The following DDX20 variants were observed in gnomAD, a reference collection of about 807,000 sequenced individuals.
DDX20 encodes the protein probable ATP-dependent RNA helicase DDX20.
In DDX20, 61 loss-of-function variants were observed where a neutral mutation model predicts 76.4. The observed-to-expected ratio is 0.80, with a 90% CI of 0.65 to 0.99. DDX20 has a LOEUF of 0.99. Among genes scored for constraint, DDX20 ranks in the 50% least tolerant of loss-of-function variants. DDX20 has a pLI of 0.00. For missense variants in DDX20, 976 were observed against 996.8 expected, an observed-to-expected ratio of 0.98 and a Z score of 0.28; for synonymous variants, 357 against 357.4, an observed-to-expected ratio of 1.00 and a Z score of 0.01.
Position 111,766,305 on chromosome 1 carries a change from A to G in DDX20, c.1881A>G (p.Gln627=), listed in dbSNP as rs1026799455. The G allele has an allele frequency of 6.2e-7, 1 of 1,614,190 alleles. No homozygotes were observed. Among genetic ancestry groups the G allele is most frequent in the Admixed American group, 1.7e-5 (1 of 60,020 alleles). Residue 627 remains glutamine, a synonymous_variant, in exon 11 of 11, where the codon CAA becomes CAG. Coordinates refer to ENST00000369702, the MANE Select transcript of DDX20 (RefSeq NM_007204.5). ...CTGGGGATCAGACTGTGAATCCTCA[A>G]AATGGTTTTGTGAGAAATAAAGTTA... The part of the protein sequence containing the change: ...TGPGDQTVNP[Q]NGFVRNKVIE...
In DDX20 at chr1:111,766,793, C is replaced by T; in HGVS notation, c.2369C>T (p.Ala790Val). 1 of 1,614,128 alleles carries T rather than the reference C, an allele frequency of 6.2e-7. No individual in the cohort carries two copies. Among genetic ancestry groups the T allele is most frequent in the Non-Finnish European group, 8.5e-7 (1 of 1,179,960 alleles). The stretch of plus-strand genomic sequence containing the variant: ...AGGGCATGGCAAGAATATTATGCTG[C>T]CGCTTCTCATTCATATTATTGGAAT... ...YYRAWQEYYA[A>V]ASHSYYWNAQ... The change falls in exon 11 of 11, where the codon GCC becomes GTC. Residue 790 changes from alanine (A) to valine (V), a missense_variant. Around this residue, in one of 3 missense-constraint regions of DDX20, gnomAD observed 630 missense variants for 693.7 expected, o/e 0.91. Coordinates refer to ENST00000369702, the MANE Select transcript of DDX20 (RefSeq NM_007204.5).
At chr1:111,761,982 T>C (rs968235390) in intron 7 of DDX20, 1 of 290,366 alleles carries the variant, frequency 3.4e-6, no homozygotes, top group Non-Finnish European at 6.4e-6. Context: ...TTATACTTCA[T>C]ATGTAACTTT....
chr1:111,760,316 G>T (rs974523795), intron 3 of DDX20, 158 bp from the exon 4 acceptor site: 3 of 534,730 alleles, frequency 5.6e-6, no homozygotes, highest in African/African-American at 2.0e-5. Flanking sequence ...CAGAGCTCCA[G>T]ATTTCTAATT....
At chr1:111,761,454 A>G (rs1035684469) in intron 7 of DDX20, 170 bp downstream of exon 7, 24 of 562,256 alleles carry the variant, frequency 4.3e-5, no homozygotes, top group Non-Finnish European at 6.1e-5. Flanking sequence ...TGATATGTCA[A>G]TATTCTATTT....
At chr1:111,762,827 G>A in intron 9 of DDX20, 45 bp downstream of exon 9, 7 of 1,498,424 alleles carry the variant, frequency 4.7e-6, no homozygotes, top group Non-Finnish European at 6.4e-6. Flanking sequence ...TAAGGGGAGG[G>A]ATCTATAATG....
rs1367788108 is a variant in DDX20, at chr1:111,767,675, CT to C, written c.*778del. On this transcript the variant is annotated 3_prime_UTR_variant, in exon 11 of 11. Coordinates refer to ENST00000369702, the MANE Select transcript of DDX20 (RefSeq NM_007204.5). ...GAATCAGCTGATAGCTATAGATTGA[CT>C]TCAGGAAATTTCTCATTCCATAAGC... is the stretch of plus-strand genomic sequence containing the variant. The C allele has an allele frequency of 6.6e-6, 1 of 152,106 alleles. No individual in the cohort carries two copies. The highest frequency in any genetic ancestry group is 1.5e-5 in the Non-Finnish European group (1 of 68,012). The allele number at this position is 152,106 out of a possible 1,614,324, so 9.4% of individuals were successfully genotyped here. A position where few individuals can be genotyped will look rare whatever the true frequency, so the allele number is the denominator to read the frequency against.
At chr1:111,758,009 A>C (rs1226465459) in intron 2 of DDX20, among the ~76,000 whole-genome samples, 1 of 150,216 alleles carries the variant, frequency 6.7e-6, no homozygotes, top group Non-Finnish European at 1.5e-5. Flanking sequence ...TGTGCACACC[A>C]CACGCCCGGC....
At chr1:111,764,049 G>A (rs1371481490) in intron 10 of DDX20, among the ~76,000 whole-genome samples, 1 of 152,098 alleles carries the variant, frequency 6.6e-6, no homozygotes, top group Non-Finnish European at 1.5e-5. Context: ...GGAGGCTGAG[G>A]CGGGCGGATG....
At chr1:111,760,144 C>T (rs886196160) in intron 3 of DDX20, among the ~76,000 whole-genome samples, 4 of 152,174 alleles carry the variant, frequency 2.6e-5, no homozygotes, top group African/African-American at 9.7e-5. Flanking sequence ...GGAGGCCCTT[C>T]TAAGCCATGG....
chr1:111,755,970 A>G lies in DDX20; in HGVS notation c.46A>G (p.Thr16Ala), dbSNP rs746735635. ...CTCGGGAGCCTTAGCAGCAGTGGCG[A>G]CTGCTATGCCGGCTGAGCATGTGGC... ...EASGALAAVA[T>A]AMPAEHVAVQ... is the part of the protein sequence containing the mutation. The change falls in exon 1 of 11, where the codon ACT becomes GCT. Residue 16 changes from threonine (T) to alanine (A), a missense_variant. Thr to Ala is a moderately conservative substitution (Grantham distance 58, BLOSUM62 0). This residue lies in a region of DDX20 where 343 missense variants were observed against 286.4 expected (regional missense o/e 1.20). Coordinates refer to ENST00000369702, the MANE Select transcript of DDX20 (RefSeq NM_007204.5). 1.9e-6 allele frequency: 3 copies of G among 1,596,500 alleles called. No homozygotes were observed. Among genetic ancestry groups the G allele is most frequent in the Non-Finnish European group, 2.6e-6 (3 of 1,168,000 alleles).
intron 2 of DDX20, among the ~76,000 whole-genome samples, chr1:111,758,063 G>A (rs917414626): frequency 6.6e-5 from 10 of 151,958 alleles, no homozygotes; most frequent in African/African-American, 2.2e-4. Context: ...TCGCCATGTC[G>A]GCCAGGCTGG....
Position 111,766,942 on chromosome 1 carries a change from A to G in DDX20, c.*43A>G. 3 of 1,449,546 alleles carry G rather than the reference A, an allele frequency of 2.1e-6. No individual in the cohort carries two copies. Among genetic ancestry groups the G allele is most frequent in the Non-Finnish European group, 2.8e-6 (3 of 1,055,202 alleles). 89.8% of individuals were successfully genotyped at this position (1,449,546 alleles called of 1,614,324 possible). A position where few individuals can be genotyped will look rare whatever the true frequency, so the allele number is the denominator to read the frequency against. On this transcript the variant is annotated 3_prime_UTR_variant, in exon 11 of 11. Transcript: ENST00000369702. ...GACCATCAGGAACTGTCAACAAATG[A>G]TACCTTTGGATATCCATCCTCCTCG...
Position 111,760,758 on chromosome 1 carries a change from A to C in DDX20, c.733A>C (p.Thr245Pro), listed in dbSNP as rs964743199. The part of the protein sequence containing the change: ...ASKQMLAVSA[T>P]YPEFLANALT... ...TAAACAGATGCTGGCAGTATCAGCT[A>C]CTTATCCCGAATTTTTGGCTAATGC... is the stretch of plus-strand genomic sequence containing the variant. Residue 245 changes from threonine to proline, a missense_variant, in exon 5 of 11, where the codon ACT (threonine) becomes CCT (proline). By Grantham distance (38) the Thr-to-Pro change is conservative. Coordinates refer to ENST00000369702, the MANE Select transcript of DDX20 (RefSeq NM_007204.5). 2 of 1,613,808 alleles carry C rather than the reference A, an allele frequency of 1.2e-6. No homozygotes were observed. Among genetic ancestry groups the C allele is most frequent in the Non-Finnish European group, 1.7e-6 (2 of 1,179,904 alleles).
Position 111,759,548 on chromosome 1 carries a change from A to G in DDX20, c.545A>G (p.His182Arg), listed in dbSNP as rs147157974. The change falls in exon 3 of 11, where the codon CAT becomes CGT. Residue 182 changes from histidine to arginine, a missense_variant. This residue lies in a region of DDX20 where 343 missense variants were observed against 286.4 expected (regional missense o/e 1.20). Transcript: ENST00000369702. The part of the protein sequence containing the change: ...SQDKTRLKKC[H>R]IAVGSPGRIK... ...GACAAAACCAGACTTAAAAAGTGTC[A>G]TATTGCTGTTGGATCTCCTGGTAAG... 4 of 1,613,240 alleles carry G rather than the reference A, an allele frequency of 2.5e-6. No individual in the cohort carries two copies. The African/African-American group carries it at 4.0e-5, about 16-fold the overall frequency.
At position 111,759,488 on chromosome 1, in the gene DDX20, G is replaced by A. The variant is rs1171584520; in HGVS notation, c.485G>A (p.Cys162Tyr). ...AIGIKMEGLE[C>Y]HVFIGGTPLS... ...GGAATAAAAATGGAAGGCTTAGAGT[G>A]TCATGTCTTTATTGGAGGGACCCCA... The change falls in exon 3 of 11, where the codon TGT becomes TAT. Residue 162 changes from cysteine to tyrosine, a missense_variant. Physicochemically the swap from Cys to Tyr is radical, Grantham distance 194 (BLOSUM62 -2). Coordinates refer to ENST00000369702, the MANE Select transcript of DDX20 (RefSeq NM_007204.5). The A allele has an allele frequency of 1.9e-6, 3 of 1,613,760 alleles. No homozygotes were observed. Among genetic ancestry groups the A allele is most frequent in the Non-Finnish European group, 2.5e-6 (3 of 1,179,862 alleles).
In DDX20 at chr1:111,759,522, A is replaced by G; in HGVS notation, c.519A>G (p.Gln173=). Residue 173 remains glutamine, a synonymous_variant, in exon 3 of 11, where the codon CAA becomes CAG. Coordinates refer to ENST00000369702, the MANE Select transcript of DDX20 (RefSeq NM_007204.5). ...HVFIGGTPLS[Q]DKTRLKKCHI... ...TTATTGGAGGGACCCCATTATCACA[A>G]GACAAAACCAGACTTAAAAAGTGTC... is the stretch of plus-strand genomic sequence containing the variant. 6.2e-7 allele frequency: 1 copy of G among 1,613,890 alleles called. No homozygotes were observed. The highest frequency in any genetic ancestry group is 8.5e-7 in the Non-Finnish European group (1 of 1,179,956).
At position 111,755,996 on chromosome 1, in the gene DDX20, C is replaced by A; in HGVS notation, c.72C>A (p.Ala24=). The A allele has an allele frequency of 2.5e-6, 4 of 1,606,384 alleles. No individual in the cohort carries two copies. The highest frequency in any genetic ancestry group is 1.1e-5 in the South Asian group (1 of 90,466). The part of the protein sequence containing the change: ...VATAMPAEHV[A]VQVPAPEPTP... ...CTGCTATGCCGGCTGAGCATGTGGCCGTGCAGGTCCCGGCCCCAGAGCCAA... is the reference window on the plus strand; with the variant it reads ...CTGCTATGCCGGCTGAGCATGTGGCAGTGCAGGTCCCGGCCCCAGAGCCAA... Residue 24 remains alanine (A), a synonymous_variant, in exon 1 of 11, where the codon GCC becomes GCA. Transcript: ENST00000369702.
At chr1:111,763,966 T>C (rs1663725423) in intron 10 of DDX20, among the ~76,000 whole-genome samples, 1 of 152,188 alleles carries the variant, frequency 6.6e-6, no homozygotes, top group Non-Finnish European at 1.5e-5. Flanking sequence ...ATAAATAGTG[T>C]CTATTCATAT....
chr1:111,759,700 C>T (rs1314705017), intron 3 of DDX20, 132 bp downstream of exon 3: 33 of 1,003,442 alleles, frequency 3.3e-5, no homozygotes, highest in Admixed American at 1.5e-4. Context: ...GCAGGCCGGG[C>T]GCGGTGGCTC....
Sources: allele counts gnomAD v4.1 joint callset (sites outside exome capture counted in the v4.1 genomes callset), GRCh38; gene constraint gnomAD v4.1.1; regional missense constraint gnomAD v4.1.1; transcripts MANE v1.5; gene names NCBI Gene and HGNC (gene_info 2026-07-23, HGNC 2026-07-21).